CLEC1B: variants seen among roughly 807,000 people sequenced by gnomAD.
The protein encoded by CLEC1B is C-type lectin domain family 1 member B.
A neutral mutation model predicts 26.7 loss-of-function variants in CLEC1B; 26 were observed. The observed-to-expected ratio is 0.97, with a 90% CI of 0.71 to 1.35. The LOEUF is 1.35. Among genes scored for constraint, CLEC1B ranks in the 40% most tolerant of loss-of-function variants. The probability of loss-of-function intolerance (pLI) is 0.00; values close to 1 mark genes in which losing one functional copy is unlikely to be tolerated. For missense variants in CLEC1B, 293 were observed against 282.6 expected, an observed-to-expected ratio of 1.04 and a Z score of -0.26; for synonymous variants, 112 against 96.0, an observed-to-expected ratio of 1.17 and a Z score of -0.97.
intron 5 of CLEC1B, 76 bp downstream of exon 5, chr12:9,995,064 T>G (rs191515045): frequency 2.7e-4 from 428 of 1,597,864 alleles, no homozygotes; most frequent in Non-Finnish European, 2.7e-5. Flanking sequence ...AGTAGTGACT[T>G]GGACTGAGAG....
At chr12:9,996,346 C>A (rs570828730) in intron 4 of CLEC1B, among the ~76,000 whole-genome samples, 1 of 152,198 alleles carries the variant, frequency 6.6e-6, no homozygotes, top group Non-Finnish European at 1.5e-5. Context: ...AAATCTTCAA[C>A]CTGGCATCTG....
chr12:9,997,392 T>G (rs1865080742), intron 2 of CLEC1B, 113 bp from the exon 3 acceptor site: 2 of 869,234 alleles, frequency 2.3e-6, no homozygotes, highest in Non-Finnish European at 3.5e-6. Context: ...AGGAGTTTAC[T>G]AGATACACAT....
Position 9,993,125 on chromosome 12 carries a change from C to A in CLEC1B, c.*18G>T. On this transcript the variant is annotated 3_prime_UTR_variant, in exon 6 of 6. Coordinates refer to ENST00000298527, the MANE Select transcript of CLEC1B (RefSeq NM_016509.4). ...ACAATAAAGCCCTTATCTGTGTTAT[C>A]CTGTCCACCTCTTTGCATTAAGGTA... 2 of 1,602,734 alleles carry A rather than the reference C, an allele frequency of 1.2e-6. No individual in the cohort carries two copies. The highest frequency in any genetic ancestry group is 1.1e-5 in the South Asian group (1 of 90,796).
At chr12:9,994,669 G>A (rs1216985995) in intron 5 of CLEC1B, among the ~76,000 whole-genome samples, 3 of 152,054 alleles carry the variant, frequency 2.0e-5, no homozygotes, top group African/African-American at 4.8e-5. Flanking sequence ...AATTCTTGGA[G>A]ACTCCCAGAA....
intron 5 of CLEC1B, among the ~76,000 whole-genome samples, chr12:9,993,776 G>A (rs548009551): frequency 3.5e-4 from 54 of 152,184 alleles, no homozygotes; most frequent in East Asian, 3.9e-4. Context: ...TAACACAGCA[G>A]GCTGTATTGT....
At chr12:9,995,487 T>C in intron 4 of CLEC1B, 1 of 437,624 alleles carries the variant, frequency 2.3e-6, no homozygotes, top group South Asian at 2.0e-5. Context: ...TCTTCTTTTG[T>C]GTTTATAACA....
intron 5 of CLEC1B, 144 bp downstream of exon 5, chr12:9,994,996 A>C: frequency 6.5e-7 from 1 of 1,548,780 alleles, no homozygotes; most frequent in Non-Finnish European, 8.7e-7. Flanking sequence ...TCTTATGACC[A>C]GCGCTGTCTT....
chr12:10,001,003 A>AAG (rs2137250647), upstream of CLEC1B, among the ~76,000 whole-genome samples: 1 of 152,372 alleles, frequency 6.6e-6, no homozygotes, highest in African/African-American at 2.4e-5. Context: ...CACTTTTCCA[A>AAG]TAAAGCTTTA....
upstream of CLEC1B, among the ~76,000 whole-genome samples, chr12:9,999,814 A>C (rs1865134320): frequency 6.6e-6 from 1 of 152,214 alleles, no homozygotes. Flanking sequence ...TGTGCTTTAA[A>C]GTGAGTTTCC....
In CLEC1B at chr12:9,993,102, A is replaced by C; in HGVS notation, c.*41T>G. The C allele has an allele frequency of 6.4e-7, 1 of 1,566,984 alleles. No homozygotes were observed. Among genetic ancestry groups the C allele is most frequent in the South Asian group, 1.1e-5 (1 of 87,378 alleles). Reference sequence around the variant, plus strand: ...CATTCATACATATCTTTTATTGTACAATAAAGCCCTTATCTGTGTTATCCT... The same window carrying C: ...CATTCATACATATCTTTTATTGTACCATAAAGCCCTTATCTGTGTTATCCT... On this transcript the variant is annotated 3_prime_UTR_variant, in exon 6 of 6. Coordinates refer to ENST00000298527, the MANE Select transcript of CLEC1B (RefSeq NM_016509.4).
chr12:9,999,759 A>G (rs1183468388), upstream of CLEC1B, among the ~76,000 whole-genome samples: 2 of 152,220 alleles, frequency 1.3e-5, no homozygotes, highest in Non-Finnish European at 2.9e-5. Flanking sequence ...ATCAAGTAAA[A>G]TAATACAGAG....
rs1053420338 is a variant in CLEC1B, at chr12:9,993,167, C to T, written c.666G>A (p.Met222Ile). The change falls in exon 6 of 6, where the codon ATG becomes ATA. Residue 222 changes from methionine (M) to isoleucine (I), a missense_variant. Met to Ile is a conservative substitution (Grantham distance 10, BLOSUM62 1). Transcript: ENST00000298527. ...HYLMCERKAG[M>I]TKVDQLP Reference sequence around the variant, plus strand: ...ATTAAGGTAGTTGGTCCACCTTGGTCATGCCAGCCTTCCTCTCACACATTA... The same window carrying T: ...ATTAAGGTAGTTGGTCCACCTTGGTTATGCCAGCCTTCCTCTCACACATTA... 2 of 1,611,452 alleles carry T rather than the reference C, an allele frequency of 1.2e-6. No individual in the cohort carries two copies. The highest frequency in any genetic ancestry group is 2.7e-5 in the African/African-American group (2 of 74,824).
rs1591851814 is a variant in CLEC1B at position 9,997,167 on chromosome 12, G to T, written c.276C>A (p.Gly92=). The T allele has an allele frequency of 6.2e-7, 1 of 1,613,898 alleles. No homozygotes were observed. The highest frequency in any genetic ancestry group is 8.5e-7 in the Non-Finnish European group (1 of 1,179,950). Residue 92 remains glycine (G), a synonymous_variant, in exon 3 of 6, where the codon GGC becomes GGA. Transcript: ENST00000298527. ...TAAAAAAACAATACTTACTGAAAGTGCCCTTTAGTTCTGATTGTTTTACCA... is the reference window on the plus strand; with the variant it reads ...TAAAAAAACAATACTTACTGAAAGTTCCCTTTAGTTCTGATTGTTTTACCA... The part of the protein sequence containing the change: ...QYVVKQSELK[G]TFKGHKCSPC...
chr12:9,994,616 C>T (rs946621957), intron 5 of CLEC1B, among the ~76,000 whole-genome samples: 1 of 151,946 alleles, frequency 6.6e-6, no homozygotes, highest in African/African-American at 2.4e-5. Flanking sequence ...GACAAAGCTT[C>T]GTTAATGGAC....
chr12:9,993,089 T>A lies in CLEC1B; in HGVS notation c.*54A>T. 6 of 1,519,954 alleles carry A rather than the reference T, an allele frequency of 3.9e-6. No individual in the cohort carries two copies. The highest frequency in any genetic ancestry group is 5.4e-6 in the Non-Finnish European group (6 of 1,113,702). 94.2% of individuals were successfully genotyped at this position (1,519,954 alleles called of 1,614,324 possible). A position where few individuals can be genotyped will look rare whatever the true frequency, so the allele number is the denominator to read the frequency against. On this transcript the variant is annotated 3_prime_UTR_variant, in exon 6 of 6. Coordinates refer to ENST00000298527, the MANE Select transcript of CLEC1B (RefSeq NM_016509.4). Reference sequence around the variant, plus strand: ...TCAGCTACTGATGCATTCATACATATCTTTTATTGTACAATAAAGCCCTTA... The same window carrying A: ...TCAGCTACTGATGCATTCATACATAACTTTTATTGTACAATAAAGCCCTTA...
At chr12:9,999,631 G>C (rs1253857547), upstream of CLEC1B, among the ~76,000 whole-genome samples, 1 of 152,138 alleles carries the variant, frequency 6.6e-6, no homozygotes, top group Non-Finnish European at 1.5e-5. Flanking sequence ...GATCATTCCT[G>C]ATTATGACCT....
intron 5 of CLEC1B, among the ~76,000 whole-genome samples, chr12:9,993,837 T>C (rs1311346836): frequency 6.6e-6 from 1 of 152,128 alleles, no homozygotes; most frequent in Non-Finnish European, 1.5e-5. Context: ...TATAATGAGA[T>C]GACAAGGAAT....
Position 9,997,202 on chromosome 12 carries a change from A to T in CLEC1B, c.241T>A (p.Cys81Ser), listed in dbSNP as rs765309726. The T allele has an allele frequency of 4.3e-6, 7 of 1,613,896 alleles. No individual in the cohort carries two copies. The highest frequency in any genetic ancestry group is 5.9e-6 in the Non-Finnish European group (7 of 1,179,950). The change falls in exon 3 of 6, where the codon TGT becomes AGT. Residue 81 changes from cysteine (C) to serine (S), a missense_variant. Coordinates refer to ENST00000298527, the MANE Select transcript of CLEC1B (RefSeq NM_016509.4). Reference protein sequence around the residue: ...GTLQQLAKRFCQYVVKQSELK... With the variant: ...GTLQQLAKRFSQYVVKQSELK... ...TCTGATTGTTTTACCACATATTGAC[A>T]GAAGCGCTTTGCTAATTGTTGCAGA...
intron 5 of CLEC1B, chr12:9,994,877 T>A: frequency 1.4e-6 from 1 of 707,752 alleles, no homozygotes; most frequent in Non-Finnish European, 2.1e-6. Flanking sequence ...ATGCACACAG[T>A]GTTCCATGGT....
Sources: gnomAD v4.1 joint callset for allele counts (sites outside exome capture counted in the v4.1 genomes callset) on GRCh38, gnomAD v4.1.1 for gene constraint, MANE v1.5 for transcripts, NCBI Gene and HGNC (gene_info 2026-07-23, HGNC 2026-07-21) for gene names.